RFX4: variants seen among roughly 807,000 people sequenced by gnomAD.
RFX4 encodes the protein transcription factor RFX4.
Under a neutral mutation model 95.0 loss-of-function variants are expected in RFX4, and 10 were observed. The observed-to-expected ratio is 0.11, with a 90% CI of 0.06 to 0.18. The LOEUF (loss-of-function observed/expected upper bound fraction) is 0.18. RFX4 is among the 10% of genes least tolerant of loss of function. RFX4 has a pLI of 1.00. For synonymous variants in RFX4, 321 were observed against 340.7 expected, an observed-to-expected ratio of 0.94 and a Z score of 0.64; for missense variants, 640 against 922.0, an observed-to-expected ratio of 0.69 and a Z score of 3.96.
chr12:106,677,055 A>G (rs144861641), intron 4 of RFX4, among the ~76,000 whole-genome samples: 11 of 152,244 alleles, frequency 7.2e-5, no homozygotes, highest in African/African-American at 2.4e-4. Flanking sequence ...TACTGAGGGA[A>G]TATCAGTGGA....
intron 5 of RFX4, among the ~76,000 whole-genome samples, chr12:106,685,205 G>T (rs1051003337): frequency 1.3e-5 from 2 of 150,042 alleles, no homozygotes; most frequent in African/African-American, 2.5e-5. Context: ...TATTTTAATG[G>T]TTTTTTTTCT....
chr12:106,627,489 AC>A (rs1447328336), intron 2 of RFX4, among the ~76,000 whole-genome samples: 1 of 152,186 alleles, frequency 6.6e-6, no homozygotes. Context: ...GTGAGCCGAG[AC>A]CACGCCATTG....
At chr12:106,596,410 T>G (rs1429339841) in intron 1 of RFX4, among the ~76,000 whole-genome samples, 1 of 152,212 alleles carries the variant, frequency 6.6e-6, no homozygotes, top group Non-Finnish European at 1.5e-5. Flanking sequence ...CAAACCTCTT[T>G]CTTTTGTAAA....
At chr12:106,758,849 G>T (rs1337490880) in intron 17 of RFX4, among the ~76,000 whole-genome samples, 1 of 152,222 alleles carries the variant, frequency 6.6e-6, no homozygotes, top group East Asian at 1.9e-4. Flanking sequence ...AGCTTGCTGT[G>T]TGACTTTGGG....
intron 4 of RFX4, among the ~76,000 whole-genome samples, chr12:106,669,704 AAGG>A (rs1008886388): frequency 1.1e-4 from 16 of 143,496 alleles, no homozygotes; most frequent in Non-Finnish European, 1.7e-4. Flanking sequence ...CCAGTTCTCA[AAGG>A]AAAAAAAAAT....
intron 2 of RFX4, among the ~76,000 whole-genome samples, chr12:106,615,711 T>C (rs1489867533): frequency 4.6e-5 from 7 of 152,226 alleles, no homozygotes; most frequent in Non-Finnish European, 1.0e-4. Context: ...TTTAGACTTA[T>C]TCCTAGATAA....
intron 13 of RFX4, among the ~76,000 whole-genome samples, chr12:106,724,416 G>T (rs1327980970): frequency 6.6e-6 from 1 of 152,128 alleles, no homozygotes; most frequent in Admixed American, 6.5e-5. Flanking sequence ...AATACTCTGG[G>T]CTCAGATGCA....
At chr12:106,702,810 G>C (rs1027078181) in intron 8 of RFX4, among the ~76,000 whole-genome samples, 1 of 152,106 alleles carries the variant, frequency 6.6e-6, no homozygotes, top group Non-Finnish European at 1.5e-5. Context: ...AGTCAACTGA[G>C]GCTTTTGTTC....
At chr12:106,670,942 C>T (rs1329579019) in intron 4 of RFX4, among the ~76,000 whole-genome samples, 3 of 152,168 alleles carry the variant, frequency 2.0e-5, no homozygotes, top group African/African-American at 7.2e-5. Context: ...ATTTCTCTCT[C>T]TTGTTCAAAG....
chr12:106,602,767 T>TC lies in RFX4; in HGVS notation c.44-6024dup, dbSNP rs371475013. On this transcript the variant is annotated intron_variant, in intron 1 of 17. Coordinates refer to ENST00000392842, the MANE Select transcript of RFX4 (RefSeq NM_213594.3). The stretch of plus-strand genomic sequence containing the variant: ...TCCCAGAGGCCTTTCTGGTGGAGAA[T>TC]CCCCCCTCCTTGTCTCTCATTCTCT... Among the ~76,000 whole-genome samples the TC allele has an allele frequency of 2.7e-3, 410 of 152,202 alleles. 2 individuals are homozygous for TC. The highest frequency in any genetic ancestry group is 9.3e-3 in the African/African-American group (387 of 41,518).
At chr12:106,684,903 G>A (rs1029255695) in intron 5 of RFX4, 6 of 1,613,422 alleles carry the variant, frequency 3.7e-6, no homozygotes, top group East Asian at 4.5e-5. Context: ...GAAATATCAC[G>A]GAATGGTATC....
intron 2 of RFX4, among the ~76,000 whole-genome samples, chr12:106,620,925 G>T (rs751439956): frequency 6.6e-6 from 1 of 152,042 alleles, no homozygotes; most frequent in African/African-American, 2.4e-5. Context: ...CTACTTGCAC[G>T]TCCATTTATA....
intron 4 of RFX4, among the ~76,000 whole-genome samples, chr12:106,671,620 T>TC (rs997815862): frequency 4.6e-5 from 7 of 152,120 alleles, no homozygotes; most frequent in Admixed American, 3.9e-4. Context: ...TAAAGTGAGA[T>TC]CATCATACTC....
At chr12:106,673,407 G>A (rs1229858701) in intron 4 of RFX4, among the ~76,000 whole-genome samples, 1 of 152,206 alleles carries the variant, frequency 6.6e-6, no homozygotes, top group African/African-American at 2.4e-5. Context: ...CAGGAGGCAA[G>A]CCTGGGTACC....
Position 106,696,417 on chromosome 12 carries a change from G to A in RFX4, c.804G>A (p.Met268Ile), listed in dbSNP as rs2041881017. The A allele has an allele frequency of 6.2e-7, 1 of 1,614,146 alleles. No homozygotes were observed. Among genetic ancestry groups the A allele is most frequent in the East Asian group, 2.2e-5 (1 of 44,878 alleles). The stretch of plus-strand genomic sequence containing the variant: ...ACAAAGCTATCTCCGGGGTGCTGAT[G>A]CCCACTGTGCTGCAGGCATTACCTG... ...ILYKAISGVL[M>I]PTVLQALPDS... is the part of the protein sequence containing the mutation. The change falls in exon 8 of 18, where the codon ATG becomes ATA. Residue 268 changes from methionine to isoleucine, a missense_variant. Transcript: ENST00000392842.
At chr12:106,622,144 AC>A (rs1201929370) in intron 2 of RFX4, among the ~76,000 whole-genome samples, 1 of 152,148 alleles carries the variant, frequency 6.6e-6, no homozygotes, top group Admixed American at 6.5e-5. Flanking sequence ...AACATGGGCC[AC>A]CTGACTCTTG....
At position 106,654,554 on chromosome 12, in the gene RFX4, T is replaced by A. The variant is rs116139755; in HGVS notation, c.315+203T>A. ...AAACATTGTAAAGTAAGAAATTCAA[T>A]GTCTCACTTGAATTTCCTCAGTACT... is the stretch of plus-strand genomic sequence containing the variant. On this transcript the variant is annotated intron_variant, in intron 4 of 17. Transcript: ENST00000392842. Among the ~76,000 whole-genome samples the A allele has an allele frequency of 8.3e-3, 1,264 of 152,324 alleles. 23 individuals carry two copies. Among genetic ancestry groups the A allele is most frequent in the African/African-American group, 0.029 (1,207 of 41,572 alleles).
chr12:106,681,885 A>T (rs1489093750), intron 4 of RFX4, 108 bp from the exon 5 acceptor site: 1 of 1,152,662 alleles, frequency 8.7e-7, no homozygotes, highest in African/African-American at 1.5e-5. Flanking sequence ...AGTCATTGCA[A>T]CCAAGGACCT....
At chr12:106,732,028 C>A (rs904569832) in intron 13 of RFX4, 102 bp from the exon 14 acceptor site, 4 of 1,503,186 alleles carry the variant, frequency 2.7e-6, no homozygotes, top group Non-Finnish European at 3.6e-6. Flanking sequence ...GACTCTTGAG[C>A]AGAGCATTTA....
Sources: allele counts gnomAD v4.1 joint callset (sites outside exome capture counted in the v4.1 genomes callset), GRCh38; gene constraint gnomAD v4.1.1; transcripts MANE v1.5; gene names NCBI Gene and HGNC (gene_info 2026-07-23, HGNC 2026-07-21).